The following TENM4 variants were observed in gnomAD, a reference collection of about 807,000 sequenced individuals.
TENM4 encodes the protein teneurin transmembrane protein 4, also known as teneurin-4.
Under a neutral mutation model 243.3 loss-of-function variants are expected in TENM4, and 82 were observed. That is an observed-to-expected ratio of 0.34 (90% CI 0.28 to 0.40). The LOEUF is 0.40. Among genes scored for constraint, TENM4 ranks in the 10% least tolerant of loss-of-function variants. The pLI is 1.00. For synonymous variants in TENM4, 1,412 were observed against 1,456.3 expected, an observed-to-expected ratio of 0.97 and a Z score of 0.69; for missense variants, 3,138 against 3,673.3, an observed-to-expected ratio of 0.85 and a Z score of 3.77.
At chr11:79,348,074 C>A (rs1444130320) in intron 1 of TENM4, among the ~76,000 whole-genome samples, 1 of 152,288 alleles carries the variant, frequency 6.6e-6, no homozygotes, top group South Asian at 2.1e-4. Context: ...CCACCGCGCC[C>A]GGCCCCTCTC....
intron 4 of TENM4, among the ~76,000 whole-genome samples, chr11:79,099,011 G>A (rs1174953503): frequency 6.6e-6 from 1 of 152,196 alleles, no homozygotes; most frequent in Non-Finnish European, 1.5e-5. Flanking sequence ...TTTGCAAACT[G>A]TTTAATTGGA....
At chr11:78,723,089 A>G (rs181648591) in intron 23 of TENM4, among the ~76,000 whole-genome samples, 172 bp from the exon 24 acceptor site, 1 of 152,328 alleles carries the variant, frequency 6.6e-6, no homozygotes. Flanking sequence ...AGATTGTCCT[A>G]AACAAGTCAT....
chr11:79,177,495 G>A (rs1055562005), intron 3 of TENM4, among the ~76,000 whole-genome samples: 6 of 151,806 alleles, frequency 4.0e-5, no homozygotes, highest in Non-Finnish European at 8.8e-5. Flanking sequence ...TACATTCAGG[G>A]ATCAAGAATA....
At chr11:78,792,046 C>G (rs1480550175) in intron 15 of TENM4, among the ~76,000 whole-genome samples, 2 of 152,084 alleles carry the variant, frequency 1.3e-5, no homozygotes, top group African/African-American at 4.8e-5. Flanking sequence ...AATTCTTTAC[C>G]CCTAAAATGA....
chr11:79,206,426 G>A (rs1046957419), intron 3 of TENM4, among the ~76,000 whole-genome samples: 8 of 152,190 alleles, frequency 5.3e-5, no homozygotes, highest in African/African-American at 1.9e-4. Context: ...TAGATAATGA[G>A]GCCCTCCCTG....
At chr11:79,274,353 C>G (rs1270785751) in intron 2 of TENM4, among the ~76,000 whole-genome samples, 1 of 152,208 alleles carries the variant, frequency 6.6e-6, no homozygotes, top group African/African-American at 2.4e-5. Flanking sequence ...CATGCTGGTC[C>G]TGCAATAAAT....
intron 1 of TENM4, among the ~76,000 whole-genome samples, chr11:79,359,823 A>G (rs1565314297): frequency 1.3e-5 from 2 of 152,132 alleles, no homozygotes; most frequent in African/African-American, 4.8e-5. Context: ...ATCCCCAGAG[A>G]GCTCTGGGCC....
chr11:79,170,313 C>A (rs912642211), intron 3 of TENM4, among the ~76,000 whole-genome samples: 3 of 152,260 alleles, frequency 2.0e-5, no homozygotes, highest in South Asian at 2.1e-4. Flanking sequence ...GCCTATGATG[C>A]AAAATGGCAG....
In TENM4 at chr11:78,657,201, A is replaced by G. The variant is rs926951025; in HGVS notation, c.*857T>C. The G allele has an allele frequency of 1.5e-5, 6 of 398,642 alleles. No homozygotes were observed. Among genetic ancestry groups the G allele is most frequent in the African/African-American group, 1.2e-4 (6 of 48,616 alleles). 24.7% of individuals were successfully genotyped at this position (398,642 alleles called of 1,614,324 possible). A position where few individuals can be genotyped will look rare whatever the true frequency, so the allele number is the denominator to read the frequency against. On this transcript the variant is annotated 3_prime_UTR_variant, in exon 34 of 34. Coordinates refer to ENST00000278550, the MANE Select transcript of TENM4 (RefSeq NM_001098816.3). ...GAGAAAGGAGGAGATGAACAGGAAC[A>G]TCATGGAGGACCAACCAATCACAGG...
chr11:79,100,252 C>T (rs1361900295), intron 4 of TENM4, among the ~76,000 whole-genome samples: 2 of 152,082 alleles, frequency 1.3e-5, no homozygotes, highest in Non-Finnish European at 2.9e-5. Context: ...AGCTCATCAC[C>T]CTTAGGTCCC....
intron 18 of TENM4, among the ~76,000 whole-genome samples, chr11:78,764,750 G>A (rs896931663): frequency 5.9e-5 from 9 of 152,188 alleles, no homozygotes; most frequent in Admixed American, 5.2e-4. Context: ...AAAGAGTCAC[G>A]CCTCTAAAGG....
chr11:78,905,627 C>A (rs187762018), intron 6 of TENM4, among the ~76,000 whole-genome samples: 3 of 152,190 alleles, frequency 2.0e-5, no homozygotes, highest in Admixed American at 6.5e-5. Context: ...CTGAGACCAT[C>A]TGAATGGCCA....
At chr11:79,128,416 G>T (rs1861925864) in intron 4 of TENM4, among the ~76,000 whole-genome samples, 2 of 152,240 alleles carry the variant, frequency 1.3e-5, no homozygotes, top group South Asian at 4.1e-4. Context: ...AAAGGAAATG[G>T]TATATACGTG....
At chr11:78,973,839 T>C (rs925467523) in intron 6 of TENM4, among the ~76,000 whole-genome samples, 2 of 151,844 alleles carry the variant, frequency 1.3e-5, no homozygotes, top group Non-Finnish European at 2.9e-5. Flanking sequence ...TTATTTTAAA[T>C]AGCATGGTCA....
intron 4 of TENM4, among the ~76,000 whole-genome samples, chr11:79,140,509 C>G (rs991404845): frequency 6.6e-6 from 1 of 152,070 alleles, no homozygotes. Flanking sequence ...TAAGACGCTT[C>G]CAAGTCTTGT....
chr11:79,059,517 A>C (rs1409620011), intron 6 of TENM4, among the ~76,000 whole-genome samples: 1 of 152,256 alleles, frequency 6.6e-6, no homozygotes, highest in East Asian at 1.9e-4. Flanking sequence ...GACGCTTCAC[A>C]AATGCTGTAG....
chr11:79,362,507 C>T (rs1398691746), intron 1 of TENM4, among the ~76,000 whole-genome samples: 1 of 152,206 alleles, frequency 6.6e-6, no homozygotes, highest in Non-Finnish European at 1.5e-5. Context: ...AAGACTGATG[C>T]TTTTCCAGGC....
intron 1 of TENM4, among the ~76,000 whole-genome samples, chr11:79,433,650 A>C (rs904471304): frequency 1.3e-5 from 2 of 152,200 alleles, no homozygotes; most frequent in Non-Finnish European, 2.9e-5. Flanking sequence ...GTGAGGCTAC[A>C]GTGATGCCAT....
intron 25 of TENM4, among the ~76,000 whole-genome samples, chr11:78,713,596 G>A (rs545213836): frequency 2.0e-5 from 3 of 152,260 alleles, no homozygotes; most frequent in Middle Eastern, 3.4e-3. Flanking sequence ...CAAGTTACCC[G>A]ACCTCCTGAG....
Sources: gnomAD v4.1 joint callset for allele counts (sites outside exome capture counted in the v4.1 genomes callset) on GRCh38, gnomAD v4.1.1 for gene constraint, MANE v1.5 for transcripts, NCBI Gene and HGNC (gene_info 2026-07-23, HGNC 2026-07-21) for gene names.